Variants in PHETA1 observed in about 807,000 individuals in gnomAD.
PHETA1 encodes the protein PH domain containing endocytic trafficking adaptor 1, also known as sesquipedalian-1.
For missense variants in PHETA1, 348 were observed against 373.5 expected (o/e 0.93, Z 0.56); for synonymous variants, 155 against 168.9 (o/e 0.92, Z 0.64).
Position 111,367,784 on chromosome 12 carries a change from A to G in PHETA1, c.-182+1128T>C, listed in dbSNP as rs1208314337. On this transcript the variant is annotated intron_variant, in intron 1 of 2. Transcript: ENST00000683047. The surrounding 1 kb of genome is among the most constrained non-coding windows in gnomAD (Gnocchi z 4.0). ...CAGGCGCCAGCCTTGCCTGGAGCGA[A>G]GGCCTGGCCCCTGCCTTATCTCCCC... Among the ~76,000 whole-genome samples, 2 of 152,240 alleles carry G rather than the reference A, an allele frequency of 1.3e-5. No individual in the cohort carries two copies. Among genetic ancestry groups the G allele is most frequent in the Non-Finnish European group, 2.9e-5 (2 of 68,034 alleles).
Position 111,360,732 on chromosome 12 carries a change from C to A in PHETA1, c.*1946G>T, listed in dbSNP as rs551862815. ...TGCATCTCCCTGCCAGGCTGCCGGA[C>A]AGCTCCCCCGACACCCAACCCAGGA... is the stretch of plus-strand genomic sequence containing the variant. On this transcript the variant is annotated 3_prime_UTR_variant, in exon 3 of 3. Transcript: ENST00000683047. The A allele has an allele frequency of 6.5e-6, 1 of 152,820 alleles. No individual in the cohort carries two copies. The highest frequency in any genetic ancestry group is 2.1e-4 in the South Asian group (1 of 4,834). The allele number at this position is 152,820 out of a possible 1,614,324, so 9.5% of individuals were successfully genotyped here.
rs1868857813 is a variant in PHETA1, at chr12:111,363,834, G to C, written c.-36-371C>G. 2.0e-6 allele frequency: 2 copies of C among 992,442 alleles called. No individual in the cohort carries two copies. Among genetic ancestry groups the C allele is most frequent in the South Asian group, 1.6e-5 (1 of 63,954 alleles). 61.5% of individuals were successfully genotyped at this position (992,442 alleles called of 1,614,324 possible). A position where few individuals can be genotyped will look rare whatever the true frequency, so the allele number is the denominator to read the frequency against. On this transcript the variant is annotated intron_variant, in intron 2 of 2. Coordinates refer to ENST00000683047, the MANE Select transcript of PHETA1 (RefSeq NM_144671.6). This position sits in a 1 kb window ranked among gnomAD's most constrained non-coding sequence, Gnocchi z 7.4. ...ACAGATGAGGAAACAGAGGCACAGAGAGGTTAACTGCTTCCCTGGTGTCAC... is the reference window on the plus strand; with the variant it reads ...ACAGATGAGGAAACAGAGGCACAGACAGGTTAACTGCTTCCCTGGTGTCAC...
rs746956682 is a variant in PHETA1, at chr12:111,360,973, C to G, written c.*1705G>C. 1.3e-5 allele frequency: 2 copies of G among 152,570 alleles called. No homozygotes were observed. Among genetic ancestry groups the G allele is most frequent in the Non-Finnish European group, 2.9e-5 (2 of 68,236 alleles). 9.5% of individuals were successfully genotyped at this position (152,570 alleles called of 1,614,324 possible). ...CTGTGCCACCCACACCCACACCACT[C>G]AGGACTCTGGAAGGAGGTGAGCGGG... On this transcript the variant is annotated 3_prime_UTR_variant, in exon 3 of 3. Coordinates refer to ENST00000683047, the MANE Select transcript of PHETA1 (RefSeq NM_144671.6).
intron 2 of PHETA1, among the ~76,000 whole-genome samples, chr12:111,364,730 G>T (rs1319031751): frequency 6.6e-6 from 1 of 150,870 alleles, no homozygotes; most frequent in East Asian, 2.0e-4. Flanking sequence ...CGCCATTGCA[G>T]TCCAGCCTGG....
Position 111,361,722 on chromosome 12 carries a change from T to TTG in PHETA1, c.*955_*956insCA. The TTG allele has an allele frequency of 3.0e-6, 1 of 335,674 alleles. No individual in the cohort carries two copies. Among genetic ancestry groups the TTG allele is most frequent in the Non-Finnish European group, 5.7e-6 (1 of 175,802 alleles). The allele number at this position is 335,674 out of a possible 1,614,324, so 20.8% of individuals were successfully genotyped here. A position where few individuals can be genotyped will look rare whatever the true frequency, so the allele number is the denominator to read the frequency against. ...TGGAAGCCACACTCGGTGTGCGGCT[T>TTG]TTTCTCCGCCACTAGGTCAGCACCT... On this transcript the variant is annotated 3_prime_UTR_variant, in exon 3 of 3. Transcript: ENST00000683047.
intron 2 of PHETA1, among the ~76,000 whole-genome samples, chr12:111,364,209 T>A (rs1868877029): frequency 6.6e-6 from 1 of 151,544 alleles, no homozygotes; most frequent in Non-Finnish European, 1.5e-5. Context: ...AAGCCAGGCG[T>A]GGTGGCGGGC....
rs372230768 is a variant in PHETA1, at chr12:111,365,417, G to A, written c.-37+696C>T. On this transcript the variant is annotated intron_variant, in intron 2 of 2. Transcript: ENST00000683047. ...TACCTGTCCTAGGGTGGAGGGGGTTGTCCTTGCCACCTCCTGTCAGCCACA... is the reference window on the plus strand; with the variant it reads ...TACCTGTCCTAGGGTGGAGGGGGTTATCCTTGCCACCTCCTGTCAGCCACA... 2.2e-3 allele frequency: 998 copies of A among 449,706 alleles called. 12 individuals are homozygous for A. Among genetic ancestry groups the A allele is most frequent in the African/African-American group, 0.018 (907 of 50,096 alleles). 27.9% of individuals were successfully genotyped at this position (449,706 alleles called of 1,614,324 possible).
Position 111,362,782 on chromosome 12 carries a change from G to T in PHETA1, c.646C>A (p.His216Asn). 6.5e-7 allele frequency: 1 copy of T among 1,539,958 alleles called. No individual in the cohort carries two copies. The change falls in exon 3 of 3, where the codon CAC (histidine) becomes AAC (asparagine). Residue 216 changes from histidine (H) to asparagine (N), a missense_variant. Coordinates refer to ENST00000683047, the MANE Select transcript of PHETA1 (RefSeq NM_144671.6). ...AAGGGGGCCATGTCCAGGGGCCCGT[G>T]GGGTGCCGAGGCCCGGCGGCGAGGC... ...PPPRRRASAP[H>N]GPLDMAPFAR...
In PHETA1 at chr12:111,363,844, GCTTCCCTGGTGT is replaced by G. The variant is rs1184333495; in HGVS notation, c.-36-393_-36-382del. 3.3e-6 allele frequency: 3 copies of G among 908,472 alleles called. No homozygotes were observed. Among genetic ancestry groups the G allele is most frequent in the African/African-American group, 3.4e-5 (2 of 57,974 alleles). The allele number at this position is 908,472 out of a possible 1,614,324, so 56.3% of individuals were successfully genotyped here. ...AAACAGAGGCACAGAGAGGTTAACT[GCTTCCCTGGTGT>G]CACAAAGCAGGTTGGGCAGGGCTGA... On this transcript the variant is annotated intron_variant, in intron 2 of 2. Coordinates refer to ENST00000683047, the MANE Select transcript of PHETA1 (RefSeq NM_144671.6). The surrounding 1 kb of genome is among the most constrained non-coding windows in gnomAD (Gnocchi z 7.4).
Position 111,362,926 on chromosome 12 carries a change from G to A in PHETA1, c.502C>T (p.Pro168Ser). ...CGGGGCAGGGGCAGGGCTGGGACCG[G>A]GGCTGGGGCAGAAGGCAGGGATGGG... ...PVPSLPSAPAPVPALPLPRRP... is the reference protein window; with the variant it reads ...PVPSLPSAPASVPALPLPRRP... The change falls in exon 3 of 3, where the codon CCG (proline) becomes TCG (serine). Residue 168 changes from proline to serine, a missense_variant. Pro to Ser is a moderately conservative substitution (Grantham distance 74). Coordinates refer to ENST00000683047, the MANE Select transcript of PHETA1 (RefSeq NM_144671.6). 6.7e-7 allele frequency: 1 copy of A among 1,495,590 alleles called. No individual in the cohort carries two copies. Among genetic ancestry groups the A allele is most frequent in the African/African-American group, 1.4e-5 (1 of 72,254 alleles). 92.6% of individuals were successfully genotyped at this position (1,495,590 alleles called of 1,614,324 possible).
chr12:111,367,934 C>T lies in PHETA1; in HGVS notation c.-182+978G>A, dbSNP rs1489048217. Among the ~76,000 whole-genome samples, 4 of 152,262 alleles carry T rather than the reference C, an allele frequency of 2.6e-5. No homozygotes were observed. Among genetic ancestry groups the T allele is most frequent in the Admixed American group, 2.0e-4 (3 of 15,292 alleles). On this transcript the variant is annotated intron_variant, in intron 1 of 2. Coordinates refer to ENST00000683047, the MANE Select transcript of PHETA1 (RefSeq NM_144671.6). The surrounding 1 kb of genome is among the most constrained non-coding windows in gnomAD (Gnocchi z 4.0). ...GCTCCCAAGGCAAAGTTCCTGCCTC[C>T]GCAGGTCCAGGCTGGAGGACCTTGG...
At chr12:111,366,453 T>G (rs1016175970) in intron 1 of PHETA1, among the ~76,000 whole-genome samples, 196 bp from the exon 2 acceptor site, 44 of 152,244 alleles carry the variant, frequency 2.9e-4, no homozygotes, top group African/African-American at 1.1e-3. Context: ...TTGGTTTCCC[T>G]CTCACCCCCG....
In PHETA1 at chr12:111,367,329, T is replaced by C. The variant is rs1438644796; in HGVS notation, c.-181-1072A>G. Among the ~76,000 whole-genome samples, 1 of 152,204 alleles carries C rather than the reference T, an allele frequency of 6.6e-6. No individual in the cohort carries two copies. The highest frequency in any genetic ancestry group is 2.4e-5 in the African/African-American group (1 of 41,452). On this transcript the variant is annotated intron_variant, in intron 1 of 2. Coordinates refer to ENST00000683047, the MANE Select transcript of PHETA1 (RefSeq NM_144671.6). The surrounding 1 kb of genome is among the most constrained non-coding windows in gnomAD (Gnocchi z 4.0). ...CCACCTGAAATTAATACCTGGGTCATTTCTGCCTGCAGGGGCGTTTGTGGT... is the reference window on the plus strand; with the variant it reads ...CCACCTGAAATTAATACCTGGGTCACTTCTGCCTGCAGGGGCGTTTGTGGT...
Position 111,361,596 on chromosome 12 carries a change from G to A in PHETA1, c.*1082C>T, listed in dbSNP as rs1174916374. ...AGAAAGGGGACCGGCGGTCAGCCCC[G>A]AAGCCAAGCAAGACCTGGTCCCCAC... On this transcript the variant is annotated 3_prime_UTR_variant, in exon 3 of 3. Transcript: ENST00000683047. 1.8e-5 allele frequency: 5 copies of A among 273,770 alleles called. No individual in the cohort carries two copies. Among genetic ancestry groups the A allele is most frequent in the South Asian group, 3.7e-5 (1 of 27,336 alleles). 17.0% of individuals were successfully genotyped at this position (273,770 alleles called of 1,614,324 possible). A position where few individuals can be genotyped will look rare whatever the true frequency, so the allele number is the denominator to read the frequency against.
rs1261381934 is a variant in PHETA1, at chr12:111,362,694, C to T, written c.734G>A (p.Ser245Asn). The T allele has an allele frequency of 1.9e-6, 3 of 1,548,818 alleles. No individual in the cohort carries two copies. Among genetic ancestry groups the T allele is most frequent in the Non-Finnish European group, 1.7e-6 (2 of 1,146,842 alleles). Residue 245 changes from serine (S) to asparagine (N), a missense_variant, in exon 3 of 3, where the codon AGC becomes AAC. Transcript: ENST00000683047. ...IRALRGQWLS[S>N]RVQP is the part of the protein sequence containing the mutation. Reference sequence around the variant, plus strand: ...CTGGTGGCCTCAGGGCTGGACCCGGCTGCTGAGCCACTGGCCACGCAGGGC... The same window carrying T: ...CTGGTGGCCTCAGGGCTGGACCCGGTTGCTGAGCCACTGGCCACGCAGGGC...
rs746963843 is a variant in PHETA1, at chr12:111,363,332, C to T, written c.96G>A (p.Ala32=). The change falls in exon 3 of 3, where the codon GCG becomes GCA. Residue 32 remains alanine, a synonymous_variant. Coordinates refer to ENST00000683047, the MANE Select transcript of PHETA1 (RefSeq NM_144671.6). This position sits in a 1 kb window ranked among gnomAD's most constrained non-coding sequence, Gnocchi z 7.4. Reference sequence around the variant, plus strand: ...GCACGAACCAGCGCCGGTGGTAGGCCGCGTGCCGCCCACCCTTCTTGTACA... The same window carrying T: ...GCACGAACCAGCGCCGGTGGTAGGCTGCGTGCCGCCCACCCTTCTTGTACA... ...GFLYKKGGRH[A]AYHRRWFVLR... 20 of 1,612,946 alleles carry T rather than the reference C, an allele frequency of 1.2e-5. No individual in the cohort carries two copies. The African/African-American group carries it at 1.3e-4, about 11-fold the overall frequency.
chr12:111,363,673 C>T lies in PHETA1; in HGVS notation c.-36-210G>A. ...GGTCTCACGGGCCTCCCCAGACAGC[C>T]TCATAACCTCCTACCCTCCTGTATC... is the stretch of plus-strand genomic sequence containing the variant. On this transcript the variant is annotated intron_variant, in intron 2 of 2. Transcript: ENST00000683047. This position sits in a 1 kb window ranked among gnomAD's most constrained non-coding sequence, Gnocchi z 7.4. 1 of 1,533,044 alleles carries T rather than the reference C, an allele frequency of 6.5e-7. No homozygotes were observed. Among genetic ancestry groups the T allele is most frequent in the Non-Finnish European group, 8.7e-7 (1 of 1,145,510 alleles). 95.0% of individuals were successfully genotyped at this position (1,533,044 alleles called of 1,614,324 possible).
In PHETA1 at chr12:111,362,991, AGGGACT is replaced by A. The variant is rs1868759757; in HGVS notation, c.431_436del (p.Gln144_Ser145del). On this transcript the variant is annotated inframe_deletion, in exon 3 of 3. Coordinates refer to ENST00000683047, the MANE Select transcript of PHETA1 (RefSeq NM_144671.6). ...AGAGGGCAGGGACGGGGGCAAGGGC[AGGGACT>A]GGGGCTGGGGCTGGGGCAGGGCCAT... 5 of 1,452,106 alleles carry A rather than the reference AGGGACT, an allele frequency of 3.4e-6. No homozygotes were observed. The highest frequency in any genetic ancestry group is 2.7e-6 in the Non-Finnish European group (3 of 1,102,146). 90.0% of individuals were successfully genotyped at this position (1,452,106 alleles called of 1,614,324 possible). A position where few individuals can be genotyped will look rare whatever the true frequency, so the allele number is the denominator to read the frequency against.
At position 111,368,294 on chromosome 12, in the gene PHETA1, C is replaced by A. The variant is rs1361997376; in HGVS notation, c.-182+618G>T. Among the ~76,000 whole-genome samples, 1 of 152,180 alleles carries A rather than the reference C, an allele frequency of 6.6e-6. No individual in the cohort carries two copies. Among genetic ancestry groups the A allele is most frequent in the Non-Finnish European group, 1.5e-5 (1 of 68,040 alleles). Reference sequence around the variant, plus strand: ...ACAGCTGGCCCCGGAACCCAGGTCTCCTGGGAGACTGAAGCATGGCATTTT... The same window carrying A: ...ACAGCTGGCCCCGGAACCCAGGTCTACTGGGAGACTGAAGCATGGCATTTT... On this transcript the variant is annotated intron_variant, in intron 1 of 2. Transcript: ENST00000683047. This position sits in a 1 kb window ranked among gnomAD's most constrained non-coding sequence, Gnocchi z 5.0.
Sources: allele counts gnomAD v4.1 joint callset (sites outside exome capture counted in the v4.1 genomes callset), GRCh38; gene constraint gnomAD v4.1.1; non-coding constraint Gnocchi (gnomAD v3.1); transcripts MANE v1.5; gene names NCBI Gene and HGNC (gene_info 2026-07-23, HGNC 2026-07-21).